Variants in CMTR1 observed in about 807,000 individuals in gnomAD.
CMTR1 encodes cap-specific mRNA (nucleoside-2'-O-)-methyltransferase 1.
A neutral mutation model predicts 107.0 loss-of-function variants in CMTR1; 39 were observed. The observed-to-expected ratio is 0.36, with a 90% confidence interval of 0.28 to 0.48. The LOEUF (loss-of-function observed/expected upper bound fraction) is 0.48. Among genes scored for constraint, CMTR1 ranks in the 20% least tolerant of loss-of-function variants. The pLI, the probability that CMTR1 is intolerant of heterozygous loss-of-function variation, is 0.99. For missense variants in CMTR1, 672 were observed against 1,064.9 expected, an observed-to-expected ratio of 0.63 and a Z score of 5.14; for synonymous variants, 366 against 379.5, an observed-to-expected ratio of 0.96 and a Z score of 0.41.
intron 2 of CMTR1, among the ~76,000 whole-genome samples, chr6:37,442,598 A>C (rs999082294): frequency 3.9e-5 from 6 of 152,186 alleles, no homozygotes; most frequent in Admixed American, 6.5e-5. Context: ...GCTCTAAGGC[A>C]ATGTGATGAG....
chr6:37,469,366 C>T (rs902746534), intron 13 of CMTR1, among the ~76,000 whole-genome samples: 2 of 151,642 alleles, frequency 1.3e-5, no homozygotes, highest in African/African-American at 4.8e-5. Context: ...AATATTTTAT[C>T]TGTTATTTTT....
intron 1 of CMTR1, among the ~76,000 whole-genome samples, chr6:37,434,565 T>G (rs141259773): frequency 6.6e-6 from 1 of 152,234 alleles, no homozygotes; most frequent in African/African-American, 2.4e-5. Flanking sequence ...TTCTCGTGCT[T>G]ATCTCTCATG....
chr6:37,440,699 G>T (rs1771654875), intron 2 of CMTR1, among the ~76,000 whole-genome samples: 2 of 152,318 alleles, frequency 1.3e-5, no homozygotes, highest in South Asian at 4.1e-4. Context: ...TTTTACACCA[G>T]AGTCACCACT....
Position 37,453,057 on chromosome 6 carries a change from A to G in CMTR1, c.620A>G (p.Asp207Gly). The G allele has an allele frequency of 2.5e-6, 4 of 1,613,936 alleles. No homozygotes were observed. Among genetic ancestry groups the G allele is most frequent in the Non-Finnish European group, 3.4e-6 (4 of 1,179,992 alleles). The change falls in exon 7 of 24, where the codon GAT (aspartate) becomes GGT (glycine). Residue 207 changes from aspartate (D) to glycine (G), a missense_variant. Coordinates refer to ENST00000373451, the MANE Select transcript of CMTR1 (RefSeq NM_015050.3). Reference sequence around the variant, plus strand: ...TGATTCTCTGGGCAGAGCGTGTTTGATGTCTTGGATGGGGAAGAGATGCGG... The same window carrying G: ...TGATTCTCTGGGCAGAGCGTGTTTGGTGTCTTGGATGGGGAAGAGATGCGG... Reference protein sequence around the residue: ...HSVLQCKSVFDVLDGEEMRRA... With the variant: ...HSVLQCKSVFGVLDGEEMRRA...
chr6:37,480,267 A>C lies in CMTR1; in HGVS notation c.*122A>C. 2.7e-6 allele frequency: 4 copies of C among 1,490,206 alleles called. No individual in the cohort carries two copies. The highest frequency in any genetic ancestry group is 3.5e-6 in the Non-Finnish European group (4 of 1,136,890). The allele number at this position is 1,490,206 out of a possible 1,614,324, so 92.3% of individuals were successfully genotyped here. A position where few individuals can be genotyped will look rare whatever the true frequency, so the allele number is the denominator to read the frequency against. ...GGGACTGGGGAGCATTGCACCTGGC[A>C]TGAGGAGTGGGTGGCCTCCTCTCCA... On this transcript the variant is annotated 3_prime_UTR_variant, in exon 24 of 24. Coordinates refer to ENST00000373451, the MANE Select transcript of CMTR1 (RefSeq NM_015050.3).
chr6:37,462,946 C>A lies in CMTR1; in HGVS notation c.1443C>A (p.Val481=), dbSNP rs377340604. ...RNTDSDVNLV[V]PLEVIKGDHE... is the part of the protein sequence containing the mutation. ...CGGATTCCGACGTCAACTTGGTGGT[C>A]CCCCTGGAGGTGATCAAGGGAGACC... is the stretch of plus-strand genomic sequence containing the variant. Residue 481 remains valine, a synonymous_variant, in exon 13 of 24, where the codon GTC becomes GTA. Transcript: ENST00000373451. 3 of 1,614,158 alleles carry A rather than the reference C, an allele frequency of 1.9e-6. No individual in the cohort carries two copies. The highest frequency in any genetic ancestry group is 1.7e-5 in the Admixed American group (1 of 60,018).
Position 37,476,018 on chromosome 6 carries a change from C to T in CMTR1, c.2037-108C>T, listed in dbSNP as rs148865909. ...GTGCTGCCTCTTAGAGCAGTCTTGCCGCAGATTCAGAAGGTTCTCCTACTG... is the reference window on the plus strand; with the variant it reads ...GTGCTGCCTCTTAGAGCAGTCTTGCTGCAGATTCAGAAGGTTCTCCTACTG... On this transcript the variant is annotated intron_variant, in intron 19 of 23. Coordinates refer to ENST00000373451, the MANE Select transcript of CMTR1 (RefSeq NM_015050.3). 1.2e-3 allele frequency: 1,298 copies of T among 1,072,876 alleles called. 9 individuals are homozygous for T. In the African/African-American group the frequency reaches 0.014, roughly 12 times the overall value. The allele number at this position is 1,072,876 out of a possible 1,614,324, so 66.5% of individuals were successfully genotyped here.
chr6:37,435,091 C>T (rs1455234425), intron 1 of CMTR1, among the ~76,000 whole-genome samples: 1 of 152,194 alleles, frequency 6.6e-6, no homozygotes, highest in Admixed American at 6.5e-5. Context: ...CCAATTCTTT[C>T]ATGTTTTCAA....
chr6:37,473,609 T>C lies in CMTR1; in HGVS notation c.1821+8T>C. 6.2e-7 allele frequency: 1 copy of C among 1,612,072 alleles called. No individual in the cohort carries two copies. The highest frequency in any genetic ancestry group is 8.5e-7 in the Non-Finnish European group (1 of 1,178,942). ...TTCCTCATCGGCCTGGGGGTAAGTC[T>C]GCAGCTGGCTTCCTGCCCAGCTTGG... On this transcript the variant is annotated splice_region_variant and intron_variant, in intron 17 of 23. Coordinates refer to ENST00000373451, the MANE Select transcript of CMTR1 (RefSeq NM_015050.3).
At chr6:37,425,391 A>T in the CMTR1 span, among the ~76,000 whole-genome samples, 1 of 147,922 alleles carries the variant, frequency 6.8e-6, no homozygotes, top group East Asian at 2.0e-4. Flanking sequence ...CCACCTCCCG[A>T]GTTCAAACAA....
intron 11 of CMTR1, 44 bp from the exon 12 acceptor site, chr6:37,461,926 G>T: frequency 6.2e-7 from 1 of 1,610,006 alleles, no homozygotes; most frequent in Non-Finnish European, 8.5e-7. Flanking sequence ...CCATCTCTTG[G>T]AATAGACCCA....
At position 37,475,039 on chromosome 6, in the gene CMTR1, G is replaced by T. The variant is rs377584375; in HGVS notation, c.1945-282G>T. ...CAGTCAGTAGGAGCAACTGGCAAGG[G>T]GGGTAAGCCAGATCCTGGCTGGAGT... On this transcript the variant is annotated intron_variant, in intron 18 of 23. Transcript: ENST00000373451. Among the ~76,000 whole-genome samples, 11 of 152,334 alleles carry T rather than the reference G, an allele frequency of 7.2e-5. No homozygotes were observed. In the South Asian group the frequency reaches 8.3e-4, roughly 11 times the overall value.
At chr6:37,468,784 G>C (rs1043997767) in intron 13 of CMTR1, among the ~76,000 whole-genome samples, 3 of 152,222 alleles carry the variant, frequency 2.0e-5, no homozygotes, top group Admixed American at 2.0e-4. Context: ...TCGGGAGGCT[G>C]AGGCAGAAGA....
intron 2 of CMTR1, among the ~76,000 whole-genome samples, chr6:37,443,159 A>G (rs1482304148): frequency 6.6e-6 from 1 of 152,134 alleles, no homozygotes; most frequent in Non-Finnish European, 1.5e-5. Flanking sequence ...AATCACTTTT[A>G]TTGGTCTTCT....
intron 3 of CMTR1, 75 bp from the exon 4 acceptor site, chr6:37,446,214 ACT>A: frequency 6.9e-7 from 1 of 1,451,766 alleles, no homozygotes; most frequent in Non-Finnish European, 9.5e-7. Context: ...GATTTAGCAC[ACT>A]GTTTGGCATG....
At position 37,433,325 on chromosome 6, in the gene CMTR1, G is replaced by T. The variant is rs1396783931; in HGVS notation, c.-59G>T. 1 of 153,128 alleles carries T rather than the reference G, an allele frequency of 6.5e-6. No individual in the cohort carries two copies. Among genetic ancestry groups the T allele is most frequent in the African/African-American group, 2.4e-5 (1 of 41,482 alleles). 9.5% of individuals were successfully genotyped at this position (153,128 alleles called of 1,614,324 possible). Reference sequence around the variant, plus strand: ...GGCGGCTCTGGCAGCGGCGGCGACAGTGTCGGCCTGACCCCCCCTCCGCTC... The same window carrying T: ...GGCGGCTCTGGCAGCGGCGGCGACATTGTCGGCCTGACCCCCCCTCCGCTC... On this transcript the variant is annotated 5_prime_UTR_variant, in exon 1 of 24. Coordinates refer to ENST00000373451, the MANE Select transcript of CMTR1 (RefSeq NM_015050.3).
rs925135450 is a variant in CMTR1 at position 37,470,897 on chromosome 6, C to G, written c.1506-124C>G. 30 of 690,478 alleles carry G rather than the reference C, an allele frequency of 4.3e-5. 1 individual carries two copies. In the East Asian group the frequency reaches 8.6e-4, roughly 20 times the overall value. 42.8% of individuals were successfully genotyped at this position (690,478 alleles called of 1,614,324 possible). ...GTGGGGTAGGGGTGTGGGTTTCTTT[C>G]TCAACTCTCCAGCTCCTTCACCAAA... On this transcript the variant is annotated intron_variant, in intron 13 of 23. Transcript: ENST00000373451.
intron 21 of CMTR1, 36 bp downstream of exon 21, chr6:37,477,675 G>A (rs1416933858): frequency 3.9e-6 from 6 of 1,553,932 alleles, no homozygotes; most frequent in African/African-American, 2.7e-5. Flanking sequence ...AGATTCAAGA[G>A]GAGGTGGGGG....
At chr6:37,464,948 A>AATGTAT (rs1185174914) in intron 13 of CMTR1, among the ~76,000 whole-genome samples, 1 of 150,222 alleles carries the variant, frequency 6.7e-6, no homozygotes, top group Admixed American at 6.6e-5. Flanking sequence ...ACAATAAAAC[A>AATGTAT]ATGTATATGT....
Sources: allele counts gnomAD v4.1 joint callset (sites outside exome capture counted in the v4.1 genomes callset), GRCh38; gene constraint gnomAD v4.1.1; transcripts MANE v1.5; gene names NCBI Gene and HGNC (gene_info 2026-07-23, HGNC 2026-07-21).